FLG2: variants seen among roughly 807,000 people sequenced by gnomAD.
FLG2 encodes filaggrin 2.
In FLG2, 7 loss-of-function variants were observed where a neutral mutation model predicts 3.9. The observed-to-expected ratio is 1.79, with a 90% CI of 1.02 to 3.36. FLG2 has a LOEUF of 3.36. FLG2 is among the 30% of genes most tolerant of loss of function. The pLI, the probability that FLG2 is intolerant of heterozygous loss-of-function variation, is 0.00. For synonymous variants in FLG2, 1,031 were observed against 1,056.1 expected, an observed-to-expected ratio of 0.98 and a Z score of 0.46; for missense variants, 2,700 against 2,809.4, an observed-to-expected ratio of 0.96 and a Z score of 0.88.
In FLG2 at chr1:152,351,807, T is replaced by A; in HGVS notation, c.5979A>T (p.Arg1993Ser). 6.2e-7 allele frequency: 1 copy of A among 1,612,348 alleles called. No homozygotes were observed. The highest frequency in any genetic ancestry group is 8.5e-7 in the Non-Finnish European group (1 of 1,179,808). ...YPESGSSVHE[R>S]HGTTHGQTAD... ...CTGTTTGTCCATGAGTAGTTCCGTG[T>A]CTCTCATGAACTGAGGATCCTGACT... The change falls in exon 3 of 3, where the codon AGA (arginine) becomes AGT (serine). Residue 1993 changes from arginine (R) to serine (S), a missense_variant. Arg to Ser is a moderately radical substitution (Grantham distance 110). Coordinates refer to ENST00000388718, the MANE Select transcript of FLG2 (RefSeq NM_001014342.3).
In FLG2 at chr1:152,353,589, A is replaced by G; in HGVS notation, c.4197T>C (p.Thr1399=). The change falls in exon 3 of 3, where the codon ACT becomes ACC. Residue 1399 remains threonine, a synonymous_variant. Transcript: ENST00000388718. The part of the protein sequence containing the change: ...ETTYGQTGEA[T]GHGHSGHGQS... The stretch of plus-strand genomic sequence containing the variant: ...GTCCATGACCAGAGTGGCCATGTCC[A>G]GTGGCCTCTCCTGTCTGTCCATAAG... 1 of 1,613,960 alleles carries G rather than the reference A, an allele frequency of 6.2e-7. No individual in the cohort carries two copies. Among genetic ancestry groups the G allele is most frequent in the Admixed American group, 1.7e-5 (1 of 60,000 alleles).
In FLG2 at chr1:152,352,427, G is replaced by C. The variant is rs573394371; in HGVS notation, c.5359C>G (p.Gln1787Glu). 1 of 1,612,244 alleles carries C rather than the reference G, an allele frequency of 6.2e-7. No homozygotes were observed. The highest frequency in any genetic ancestry group is 1.3e-5 in the African/African-American group (1 of 74,308). Residue 1787 changes from glutamine to glutamate, a missense_variant, in exon 3 of 3, where the codon CAG (glutamine) becomes GAG (glutamate). Gln to Glu is a conservative substitution (Grantham distance 29). Transcript: ENST00000388718. ...GTCCTGGACCCTGTCTGTGTGGACTGTCCATGACCAGAGTGGGCATGTCTG... is the reference window on the plus strand; with the variant it reads ...GTCCTGGACCCTGTCTGTGTGGACTCTCCATGACCAGAGTGGGCATGTCTG... ...TTRHAHSGHG[Q>E]STQTGSRTTG...
rs139344711 is a variant in FLG2, at chr1:152,358,813, C to T, written c.72G>A (p.Glu24=). The T allele has an allele frequency of 2.8e-4, 455 of 1,614,064 alleles. 1 individual carries two copies. Among genetic ancestry groups the T allele is most frequent in the Non-Finnish European group, 3.7e-4 (441 of 1,179,928 alleles). ...GTTCACCCTTGCTCAGTGTGCCACACTCCCCATCTTGCTTGGTGTATTTGT... is the reference window on the plus strand; with the variant it reads ...GTTCACCCTTGCTCAGTGTGCCACATTCCCCATCTTGCTTGGTGTATTTGT... ...VFYKYTKQDG[E]CGTLSKGELK... Residue 24 remains glutamate, a synonymous_variant, in exon 2 of 3, where the codon GAG becomes GAA. Transcript: ENST00000388718.
Position 152,353,239 on chromosome 1 carries a change from G to A in FLG2, c.4547C>T (p.Thr1516Ile), listed in dbSNP as rs775651189. Residue 1516 changes from threonine (T) to isoleucine (I), a missense_variant, in exon 3 of 3, where the codon ACA (threonine) becomes ATA (isoleucine). Transcript: ENST00000388718. Reference protein sequence around the residue: ...DSEVHSGGSHTHSGHTHGQSG... With the variant: ...DSEVHSGGSHIHSGHTHGQSG... ...TTGGCCGTGAGTGTGTCCTGAATGT[G>A]TGTGCGAGCCCCCTGAGTGCACTTC... 1.3e-6 allele frequency: 2 copies of A among 1,556,462 alleles called. No homozygotes were observed. Among genetic ancestry groups the A allele is most frequent in the Non-Finnish European group, 1.7e-6 (2 of 1,152,414 alleles).
chr1:152,354,562 C>G lies in FLG2; in HGVS notation c.3224G>C (p.Ser1075Thr). ...GQYESRSRQS[S>T]YGQHGSGSSQ... ...TGAGCCAGAACCATGTTGGCCATAG[C>G]TAGACTGACGTGATCTAGACTCATA... The change falls in exon 3 of 3, where the codon AGC becomes ACC. Residue 1075 changes from serine to threonine, a missense_variant. Coordinates refer to ENST00000388718, the MANE Select transcript of FLG2 (RefSeq NM_001014342.3). The G allele has an allele frequency of 6.2e-7, 1 of 1,610,304 alleles. No homozygotes were observed. The highest frequency in any genetic ancestry group is 1.1e-5 in the South Asian group (1 of 90,856).
chr1:152,354,821 G>T lies in FLG2; in HGVS notation c.2965C>A (p.Gln989Lys). The change falls in exon 3 of 3, where the codon CAG (glutamine) becomes AAG (lysine). Residue 989 changes from glutamine (Q) to lysine (K), a missense_variant. Transcript: ENST00000388718. ...GACTGACTTGATCTAGACTCATGCTGTCCAAAGCCAGAGGATTTTCCTGAG... is the reference window on the plus strand; with the variant it reads ...GACTGACTTGATCTAGACTCATGCTTTCCAAAGCCAGAGGATTTTCCTGAG... The part of the protein sequence containing the change: ...SGSGKSSGFG[Q>K]HESRSSQSNY... The T allele has an allele frequency of 6.2e-7, 1 of 1,613,528 alleles. No homozygotes were observed. The highest frequency in any genetic ancestry group is 8.5e-7 in the Non-Finnish European group (1 of 1,179,944).
In FLG2 at chr1:152,350,137, G is replaced by C. The variant is rs924185794; in HGVS notation, c.*473C>G. 5.9e-5 allele frequency: 10 copies of C among 168,968 alleles called. No individual in the cohort carries two copies. Among genetic ancestry groups the C allele is most frequent in the African/African-American group, 2.4e-4 (10 of 41,624 alleles). The allele number at this position is 168,968 out of a possible 1,614,324, so 10.5% of individuals were successfully genotyped here. On this transcript the variant is annotated 3_prime_UTR_variant, in exon 3 of 3. Transcript: ENST00000388718. ...GCTGGATCTTACCTGCCCATGAAAA[G>C]TTGTATCTCCGAAATGTTGCTGGCT...
Position 152,355,700 on chromosome 1 carries a change from G to A in FLG2, c.2086C>T (p.His696Tyr), listed in dbSNP as rs765522033. ...GATGATTGACTTGAGCCAAAACCAT[G>A]TTGGCCATAGCTAGAATGACCTGAT... ...SRSGHSSYGQ[H>Y]GFGSSQSSGY... The change falls in exon 3 of 3, where the codon CAT becomes TAT. Residue 696 changes from histidine to tyrosine, a missense_variant. His to Tyr is a moderately conservative substitution (Grantham distance 83). Transcript: ENST00000388718. The A allele has an allele frequency of 3.1e-6, 5 of 1,613,890 alleles. No homozygotes were observed. The South Asian group carries it at 5.5e-5, about 18-fold the overall frequency.
chr1:152,358,699 G>A, intron 2 of FLG2, 48 bp downstream of exon 2: 1 of 1,584,782 alleles, frequency 6.3e-7, no homozygotes, highest in South Asian at 1.2e-5. Context: ...ATACAACAGA[G>A]CTTGTACAGG....
chr1:152,352,370 A>G lies in FLG2; in HGVS notation c.5416T>C (p.Tyr1806His). The G allele has an allele frequency of 6.2e-7, 1 of 1,612,240 alleles. No homozygotes were observed. The highest frequency in any genetic ancestry group is 8.5e-7 in the Non-Finnish European group (1 of 1,179,664). The change falls in exon 3 of 3, where the codon TAC (tyrosine) becomes CAC (histidine). Residue 1806 changes from tyrosine (Y) to histidine (H), a missense_variant. Physicochemically the swap from Tyr to His is moderately conservative, Grantham distance 83. Transcript: ENST00000388718. ...TGRRSSGHSE[Y>H]SDSEGHSGFS... is the part of the protein sequence containing the mutation. ...CCTGAGTGCCCTTCACTGTCACTGT[A>G]CTCACTGTGGCCAGATGACCTTCTT...
Position 152,351,329 on chromosome 1 carries a change from C to A in FLG2, c.6457G>T (p.Asp2153Tyr). 1 of 1,613,990 alleles carries A rather than the reference C, an allele frequency of 6.2e-7. No individual in the cohort carries two copies. Among genetic ancestry groups the A allele is most frequent in the Middle Eastern group, 1.6e-4 (1 of 6,062 alleles). The change falls in exon 3 of 3, where the codon GAT becomes TAT. Residue 2153 changes from aspartate (D) to tyrosine (Y), a missense_variant. Transcript: ENST00000388718. Reference sequence around the variant, plus strand: ...CCAGACTGGCCATGTCTAGTGGTATCTCCTGTCTGTCCATGTATAGTTCCC... The same window carrying A: ...CCAGACTGGCCATGTCTAGTGGTATATCCTGTCTGTCCATGTATAGTTCCC... ...RQGTIHGQTG[D>Y]TTRHGQSGHG...
Position 152,353,136 on chromosome 1 carries a change from G to T in FLG2, c.4650C>A (p.Thr1550=), listed in dbSNP as rs558205930. The T allele has an allele frequency of 6.2e-7, 1 of 1,613,820 alleles. No homozygotes were observed. The highest frequency in any genetic ancestry group is 1.1e-5 in the South Asian group (1 of 91,072). Residue 1550 remains threonine (T), a synonymous_variant, in exon 3 of 3, where the codon ACC becomes ACA. Transcript: ENST00000388718. ...HRITHGQTGD[T]TRHSYSGHEQ... ...CATGACCAGAGTAGGAATGTCTAGT[G>T]GTATCTCCTGTCTGTCCATGAGTAA...
In FLG2 at chr1:152,351,849, A is replaced by C; in HGVS notation, c.5937T>G (p.Ala1979=). The C allele has an allele frequency of 6.3e-7, 1 of 1,580,074 alleles. No individual in the cohort carries two copies. The highest frequency in any genetic ancestry group is 1.1e-5 in the South Asian group (1 of 90,038). The change falls in exon 3 of 3, where the codon GCT becomes GCG. Residue 1979 remains alanine, a synonymous_variant. Transcript: ENST00000388718. The part of the protein sequence containing the change: ...HTHSGHTHGQ[A]GSHYPESGSS... ...ATCCTGACTCTGGATAGTGAGATCC[A>C]GCTTGACCGTGAGTGTGTCCTGAAT...
Position 152,352,439 on chromosome 1 carries a change from A to G in FLG2, c.5347T>C (p.Ser1783Pro). 5 of 1,612,206 alleles carry G rather than the reference A, an allele frequency of 3.1e-6. No homozygotes were observed. Among genetic ancestry groups the G allele is most frequent in the Non-Finnish European group, 4.2e-6 (5 of 1,179,602 alleles). Reference protein sequence around the residue: ...QTGDTTRHAHSGHGQSTQTGS... With the variant: ...QTGDTTRHAHPGHGQSTQTGS... Reference sequence around the variant, plus strand: ...GTCTGTGTGGACTGTCCATGACCAGAGTGGGCATGTCTGGTGGTATCGCCT... The same window carrying G: ...GTCTGTGTGGACTGTCCATGACCAGGGTGGGCATGTCTGGTGGTATCGCCT... The change falls in exon 3 of 3, where the codon TCT (serine) becomes CCT (proline). Residue 1783 changes from serine to proline, a missense_variant. Ser to Pro is a moderately conservative substitution (Grantham distance 74). Coordinates refer to ENST00000388718, the MANE Select transcript of FLG2 (RefSeq NM_001014342.3).
Position 152,352,815 on chromosome 1 carries a change from A to G in FLG2, c.4971T>C (p.Ser1657=), listed in dbSNP as rs749375907. Residue 1657 remains serine (S), a synonymous_variant, in exon 3 of 3, where the codon AGT becomes AGC. Coordinates refer to ENST00000388718, the MANE Select transcript of FLG2 (RefSeq NM_001014342.3). The part of the protein sequence containing the change: ...GRQRSSHSES[S]DSEVHSGVSH... ...AGACCCCTGAGTGCACTTCACTGTC[A>G]CTGGACTCACTGTGGCTAGATCTCT... 6.2e-7 allele frequency: 1 copy of G among 1,613,592 alleles called. No homozygotes were observed. The highest frequency in any genetic ancestry group is 8.5e-7 in the Non-Finnish European group (1 of 1,179,892).
chr1:152,354,743 G>A lies in FLG2; in HGVS notation c.3043C>T (p.His1015Tyr), dbSNP rs1654126756. 6.2e-7 allele frequency: 1 copy of A among 1,614,048 alleles called. No individual in the cohort carries two copies. The highest frequency in any genetic ancestry group is 1.3e-5 in the African/African-American group (1 of 74,982). ...GTTGTCTGTCCTGAACTAGACCCATGTTGACCATAGCCAGATGACTGACTT... is the reference window on the plus strand; with the variant it reads ...GTTGTCTGTCCTGAACTAGACCCATATTGACCATAGCCAGATGACTGACTT... ...GSSQSSGYGQ[H>Y]GSSSGQTTGF... is the part of the protein sequence containing the mutation. The change falls in exon 3 of 3, where the codon CAT becomes TAT. Residue 1015 changes from histidine (H) to tyrosine (Y), a missense_variant. Transcript: ENST00000388718.
In FLG2 at chr1:152,354,609, T is replaced by C. The variant is rs1654119291; in HGVS notation, c.3177A>G (p.Gly1059=). Reference sequence around the variant, plus strand: ...CATATTGTCCAAAACCAGAGGATTGTCCTGAACCAGTCCCATGTTGTCCAA... The same window carrying C: ...CATATTGTCCAAAACCAGAGGATTGCCCTGAACCAGTCCCATGTTGTCCAA... ...SGFGQHGTGS[G]QSSGFGQYES... is the part of the protein sequence containing the mutation. Residue 1059 remains glycine, a synonymous_variant, in exon 3 of 3, where the codon GGA becomes GGG. Transcript: ENST00000388718. 1 of 1,612,490 alleles carries C rather than the reference T, an allele frequency of 6.2e-7. No homozygotes were observed. Among genetic ancestry groups the C allele is most frequent in the African/African-American group, 1.3e-5 (1 of 74,302 alleles).
In FLG2 at chr1:152,356,695, T is replaced by G; in HGVS notation, c.1091A>C (p.Gln364Pro). The part of the protein sequence containing the change: ...GYGARENGQP[Q>P]NCGGQWRTGS... ...TGTTCTCCATTGTCCTCCACAGTTC[T>G]GTGGTTGACCATTTTCTCTAGCTCC... The change falls in exon 3 of 3, where the codon CAG becomes CCG. Residue 364 changes from glutamine (Q) to proline (P), a missense_variant. Gln to Pro is a moderately conservative substitution (Grantham distance 76). Transcript: ENST00000388718. The G allele has an allele frequency of 6.2e-7, 1 of 1,614,224 alleles. No homozygotes were observed. Among genetic ancestry groups the G allele is most frequent in the Non-Finnish European group, 8.5e-7 (1 of 1,180,038 alleles).
rs777656699 is a variant in FLG2 at position 152,357,130 on chromosome 1, G to A, written c.656C>T (p.Ser219Phe). 6.2e-7 allele frequency: 1 copy of A among 1,613,934 alleles called. No individual in the cohort carries two copies. Among genetic ancestry groups the A allele is most frequent in the South Asian group, 1.1e-5 (1 of 91,076 alleles). ...NKSHISPSRE[S>F]GEEYESGSGS... Reference sequence around the variant, plus strand: ...AGATCCAGATTCATACTCCTCCCCAGATTCCCTAGAAGGGCTAATGTGTGA... The same window carrying A: ...AGATCCAGATTCATACTCCTCCCCAAATTCCCTAGAAGGGCTAATGTGTGA... Residue 219 changes from serine (S) to phenylalanine (F), a missense_variant, in exon 3 of 3, where the codon TCT (serine) becomes TTT (phenylalanine). By Grantham distance (155) the Ser-to-Phe change is radical. Coordinates refer to ENST00000388718, the MANE Select transcript of FLG2 (RefSeq NM_001014342.3).
Sources: gnomAD v4.1 joint callset for allele counts on GRCh38, gnomAD v4.1.1 for gene constraint, MANE v1.5 for transcripts, NCBI Gene and HGNC (gene_info 2026-07-23, HGNC 2026-07-21) for gene names.